TENM4: variants seen among roughly 807,000 people sequenced by gnomAD.
The protein encoded by TENM4 is teneurin transmembrane protein 4, also known as teneurin-4.
Under a neutral mutation model 243.3 loss-of-function variants are expected in TENM4, and 82 were observed. The ratio of observed to expected loss-of-function variants is 0.34; its 90% CI spans 0.28 to 0.40. The LOEUF is 0.40. Ranked by LOEUF, TENM4 falls within the 10% of genes least tolerant of loss-of-function variation. TENM4 has a pLI of 1.00. For missense variants in TENM4, 3,138 were observed against 3,673.3 expected (o/e 0.85, Z 3.77); for synonymous variants, 1,412 against 1,456.3 (o/e 0.97, Z 0.69).
chr11:79,069,948 C>T lies in TENM4; in HGVS notation c.-4G>A, dbSNP rs1334912208. Reference sequence around the variant, plus strand: ...GCTTCCTCTCCTTCACGTCCATGGCCTCCGGCCCGCGCTCCTCCACATCCA... The same window carrying T: ...GCTTCCTCTCCTTCACGTCCATGGCTTCCGGCCCGCGCTCCTCCACATCCA... On this transcript the variant is annotated 5_prime_UTR_variant, in exon 5 of 34. Transcript: ENST00000278550. 2 of 1,544,692 alleles carry T rather than the reference C, an allele frequency of 1.3e-6. No individual in the cohort carries two copies. The highest frequency in any genetic ancestry group is 1.7e-6 in the Non-Finnish European group (2 of 1,146,276).
In TENM4 at chr11:79,069,819, G is replaced by A; in HGVS notation, c.126C>T (p.Ser42=). The A allele has an allele frequency of 1.9e-6, 3 of 1,550,994 alleles. No homozygotes were observed. Among genetic ancestry groups the A allele is most frequent in the Non-Finnish European group, 2.6e-6 (3 of 1,146,900 alleles). ...GKAPQKSYSS[S]ETLKAYDQDA... Reference sequence around the variant, plus strand: ...CCTGGTCGTAGGCCTTCAGGGTCTCGCTGGAGCTGTACGATTTCTGCGGGG... The same window carrying A: ...CCTGGTCGTAGGCCTTCAGGGTCTCACTGGAGCTGTACGATTTCTGCGGGG... Residue 42 remains serine, a synonymous_variant, in exon 5 of 34, where the codon AGC becomes AGT. Coordinates refer to ENST00000278550, the MANE Select transcript of TENM4 (RefSeq NM_001098816.3).
intron 3 of TENM4, among the ~76,000 whole-genome samples, chr11:79,155,803 T>C (rs1233339095): frequency 1.3e-5 from 2 of 148,592 alleles, no homozygotes; most frequent in African/African-American, 4.9e-5. Context: ...AAGAGTATCC[T>C]GGCCTAGGCT....
intron 1 of TENM4, among the ~76,000 whole-genome samples, chr11:79,405,021 T>C (rs1451669155): frequency 1.3e-5 from 2 of 152,286 alleles, no homozygotes; most frequent in South Asian, 4.1e-4. Flanking sequence ...TGTTGACTTA[T>C]GTCACTCTGC....
intron 4 of TENM4, among the ~76,000 whole-genome samples, chr11:79,114,786 G>A (rs1354048426): frequency 6.6e-6 from 1 of 152,238 alleles, no homozygotes; most frequent in Non-Finnish European, 1.5e-5. Context: ...GAGCAACATA[G>A]AAGCCCTCTG....
In TENM4 at chr11:78,787,115, C is replaced by T. The variant is rs187350651; in HGVS notation, c.2180-32G>A. The T allele has an allele frequency of 7.4e-4, 1,118 of 1,520,698 alleles. 1 individual carries two copies. Among genetic ancestry groups the T allele is most frequent in the Admixed American group, 1.1e-3 (54 of 49,184 alleles). The allele number at this position is 1,520,698 out of a possible 1,614,324, so 94.2% of individuals were successfully genotyped here. On this transcript the variant is annotated intron_variant, in intron 15 of 33. Transcript: ENST00000278550. ...GGAGGAGCAGAAGAAGGGAGGACAC[C>T]AGGGCCAGGATGGGAGGCAGTGGCC...
chr11:79,269,205 A>C (rs1855928870), intron 2 of TENM4, among the ~76,000 whole-genome samples: 1 of 152,210 alleles, frequency 6.6e-6, no homozygotes, highest in South Asian at 2.1e-4. Flanking sequence ...AGTAGCTAAA[A>C]TTACTGTTAC....
intron 30 of TENM4, among the ~76,000 whole-genome samples, chr11:78,675,449 T>A (rs759747537): frequency 3.3e-5 from 5 of 152,202 alleles, no homozygotes; most frequent in Non-Finnish European, 7.3e-5. Flanking sequence ...TTCATTAACT[T>A]TCCCTCTGTT....
chr11:79,295,160 T>A lies in TENM4; in HGVS notation c.-265+2328A>T, dbSNP rs564804540. Reference sequence around the variant, plus strand: ...ACAAAAACGCACAAACCCAGTCCTGTTTAGGCGAATGAACATTCTTGTAGC... The same window carrying A: ...ACAAAAACGCACAAACCCAGTCCTGATTAGGCGAATGAACATTCTTGTAGC... On this transcript the variant is annotated intron_variant, in intron 2 of 33. Coordinates refer to ENST00000278550, the MANE Select transcript of TENM4 (RefSeq NM_001098816.3). Among the ~76,000 whole-genome samples, 18 of 152,268 alleles carry A rather than the reference T, an allele frequency of 1.2e-4. 1 individual carries two copies. Among genetic ancestry groups the A allele is most frequent in the Admixed American group, 1.1e-3 (17 of 15,302 alleles).
intron 1 of TENM4, among the ~76,000 whole-genome samples, chr11:79,311,388 C>T (rs1320042768): frequency 6.6e-6 from 1 of 152,198 alleles, no homozygotes; most frequent in Non-Finnish European, 1.5e-5. Context: ...GCTGGTCTCC[C>T]TGGTTCCCTA....
intron 19 of TENM4, chr11:78,756,564 C>T (rs765607961): frequency 2.0e-6 from 1 of 501,556 alleles, no homozygotes; most frequent in Non-Finnish European, 3.6e-6. Flanking sequence ...TCACTGTCTT[C>T]ATCTGTCACC....
At position 78,656,890 on chromosome 11, in the gene TENM4, G is replaced by C. The variant is rs1266792975; in HGVS notation, c.*1168C>G. 2.5e-6 allele frequency: 1 copy of C among 397,168 alleles called. No homozygotes were observed. Among genetic ancestry groups the C allele is most frequent in the Non-Finnish European group, 4.4e-6 (1 of 225,786 alleles). The allele number at this position is 397,168 out of a possible 1,614,324, so 24.6% of individuals were successfully genotyped here. A position where few individuals can be genotyped will look rare whatever the true frequency, so the allele number is the denominator to read the frequency against. Reference sequence around the variant, plus strand: ...GACTTTGGGAACTGGTTAGAAGGATGCTTAGCTTATGCCTTCCTCTCTTTG... The same window carrying C: ...GACTTTGGGAACTGGTTAGAAGGATCCTTAGCTTATGCCTTCCTCTCTTTG... On this transcript the variant is annotated 3_prime_UTR_variant, in exon 34 of 34. Transcript: ENST00000278550.
Position 79,055,224 on chromosome 11 carries a change from CTATTA to C in TENM4, c.493+9509_493+9513del, listed in dbSNP as rs1005513521. 3.3e-5 allele frequency among the ~76,000 whole-genome samples: 5 copies of C among 150,906 alleles called. No individual in the cohort carries two copies. The East Asian group carries it at 9.7e-4, about 29-fold the overall frequency. On this transcript the variant is annotated intron_variant, in intron 6 of 33. Transcript: ENST00000278550. ...TTTATTCTGCTTCTCTCTATTCTATCTATTATATTATTATTATTACTAATTTATTT... is the reference window on the plus strand; with the variant it reads ...TTTATTCTGCTTCTCTCTATTCTATCTATTATTATTATTACTAATTTATTT...
chr11:79,373,617 G>C (rs1025343167), intron 1 of TENM4, among the ~76,000 whole-genome samples: 4 of 151,842 alleles, frequency 2.6e-5, no homozygotes, highest in Non-Finnish European at 5.9e-5. Context: ...GAAGAAGGAG[G>C]TCGAAAGATC....
Position 79,066,621 on chromosome 11 carries a change from C to T in TENM4, c.224-1614G>A, listed in dbSNP as rs531075612. Among the ~76,000 whole-genome samples the T allele has an allele frequency of 2.3e-4, 35 of 151,780 alleles. 1 individual carries two copies. The South Asian group carries it at 3.3e-3, about 14-fold the overall frequency. ...ACACACGCGCGTGCACACACACGTG[C>T]GCACACACATGAACACACAAGTGCA... On this transcript the variant is annotated intron_variant, in intron 5 of 33. Transcript: ENST00000278550.
intron 1 of TENM4, among the ~76,000 whole-genome samples, chr11:79,371,589 G>C (rs1201329781): frequency 6.6e-6 from 1 of 152,160 alleles, no homozygotes; most frequent in African/African-American, 2.4e-5. Flanking sequence ...TGAAGAGTTT[G>C]CCCTTCACAA....
At chr11:79,160,485 T>C (rs1441105561) in intron 3 of TENM4, among the ~76,000 whole-genome samples, 1 of 151,504 alleles carries the variant, frequency 6.6e-6, no homozygotes, top group Non-Finnish European at 1.5e-5. Flanking sequence ...CTTTGCAACC[T>C]GGGGTGCAGG....
At chr11:78,719,129 T>A (rs1157447182) in intron 25 of TENM4, among the ~76,000 whole-genome samples, 1 of 152,172 alleles carries the variant, frequency 6.6e-6, no homozygotes, top group Non-Finnish European at 1.5e-5. Flanking sequence ...TTTACAAATA[T>A]CTTCTGTGAT....
At chr11:79,192,470 C>T (rs1223879460) in intron 3 of TENM4, among the ~76,000 whole-genome samples, 4 of 152,180 alleles carry the variant, frequency 2.6e-5, no homozygotes, top group Non-Finnish European at 5.9e-5. Context: ...ACCTTACCCC[C>T]CAACCCTGTG....
chr11:78,937,052 A>T (rs191564276), intron 6 of TENM4, among the ~76,000 whole-genome samples: 47 of 152,124 alleles, frequency 3.1e-4, no homozygotes, highest in African/African-American at 9.2e-4. Flanking sequence ...TATTGCAATT[A>T]AAAAAAATTG....
Sources: allele counts gnomAD v4.1 joint callset (sites outside exome capture counted in the v4.1 genomes callset), GRCh38; gene constraint gnomAD v4.1.1; transcripts MANE v1.5; gene names NCBI Gene and HGNC (gene_info 2026-07-23, HGNC 2026-07-21).